GPHN: variants seen among roughly 807,000 people sequenced by gnomAD.
GPHN encodes gephyrin.
In GPHN, 17 loss-of-function variants were observed where a neutral mutation model predicts 95.5. That is an observed-to-expected ratio of 0.18 (90% confidence interval 0.12 to 0.27). GPHN has a LOEUF of 0.27. GPHN is among the 10% of genes least tolerant of loss of function. GPHN has a pLI of 1.00. For missense variants in GPHN, 660 were observed against 978.1 expected, an observed-to-expected ratio of 0.67 and a Z score of 4.34; for synonymous variants, 320 against 322.5, an observed-to-expected ratio of 0.99 and a Z score of 0.08.
the GPHN span, among the ~76,000 whole-genome samples, chr14:67,407,859 G>T: frequency 1.3e-5 from 2 of 152,188 alleles, no homozygotes; most frequent in African/African-American, 4.8e-5. Context: ...TGTAGTCCCA[G>T]CTACTTGGGA....
chr14:66,745,176 T>A (rs919786113), intron 2 of GPHN, among the ~76,000 whole-genome samples: 27 of 152,128 alleles, frequency 1.8e-4, no homozygotes, highest in African/African-American at 6.5e-4. Context: ...CTTTTTATTT[T>A]GAAAACTTTC....
intron 3 of GPHN, among the ~76,000 whole-genome samples, chr14:66,797,396 G>A (rs2060196962): frequency 6.6e-6 from 1 of 151,776 alleles, no homozygotes; most frequent in Non-Finnish European, 1.5e-5. Flanking sequence ...GATAGGGATT[G>A]TATTAAATCT....
At chr14:67,408,323 A>ATAAAG in the GPHN span, among the ~76,000 whole-genome samples, 1 of 144,480 alleles carries the variant, frequency 6.9e-6, no homozygotes. Context: ...ATAAAATAAA[A>ATAAAG]TAAAATAAAA....
the GPHN span, among the ~76,000 whole-genome samples, chr14:67,196,350 G>A: frequency 6.6e-6 from 1 of 151,896 alleles, no homozygotes; most frequent in East Asian, 1.9e-4. Flanking sequence ...CCGAATAGCT[G>A]GGATTACAGG....
At chr14:66,568,858 ATAAT>A (rs545045274) in intron 1 of GPHN, among the ~76,000 whole-genome samples, 2 of 152,248 alleles carry the variant, frequency 1.3e-5, no homozygotes, top group African/African-American at 2.4e-5. Context: ...ACTCAGTGGG[ATAAT>A]TAATTATGAA....
At chr14:66,535,751 T>C (rs1036271115) in intron 1 of GPHN, among the ~76,000 whole-genome samples, 8 of 152,196 alleles carry the variant, frequency 5.3e-5, no homozygotes, top group Non-Finnish European at 1.0e-4. Flanking sequence ...TATTTAAATT[T>C]CATTTTGAAT....
chr14:67,137,789 CT>C, intron 17 of GPHN, among the ~76,000 whole-genome samples: 1 of 152,098 alleles, frequency 6.6e-6, no homozygotes, highest in Non-Finnish European at 1.5e-5. Flanking sequence ...AGAGATTTAT[CT>C]TTAAAGGAAT....
At chr14:67,466,533 G>A in the GPHN span, among the ~76,000 whole-genome samples, 1 of 152,228 alleles carries the variant, frequency 6.6e-6, no homozygotes, top group African/African-American at 2.4e-5. Flanking sequence ...AAAGAGCCTG[G>A]GAACTGGTGT....
At chr14:66,956,988 T>G in intron 8 of GPHN, among the ~76,000 whole-genome samples, 1 of 134,650 alleles carries the variant, frequency 7.4e-6, no homozygotes, top group African/African-American at 2.7e-5. Context: ...GGGGGAGGGA[T>G]AGCACTGGGA....
chr14:67,681,325 G>C, the GPHN span, among the ~76,000 whole-genome samples: 1 of 152,220 alleles, frequency 6.6e-6, no homozygotes, highest in Non-Finnish European at 1.5e-5. Flanking sequence ...TATTGTTTAA[G>C]CCACCCAGTC....
At chr14:66,721,415 A>G (rs1271457557) in intron 2 of GPHN, among the ~76,000 whole-genome samples, 1 of 152,198 alleles carries the variant, frequency 6.6e-6, no homozygotes, top group African/African-American at 2.4e-5. Context: ...ATATTGACAA[A>G]TTTCTATCAA....
At chr14:66,781,473 C>T (rs1468869702) in intron 3 of GPHN, among the ~76,000 whole-genome samples, 1 of 152,164 alleles carries the variant, frequency 6.6e-6, no homozygotes, top group Non-Finnish European at 1.5e-5. Flanking sequence ...CTGCCTCGGC[C>T]TCCCAAAGTG....
the GPHN span, among the ~76,000 whole-genome samples, chr14:67,368,361 A>G: frequency 1.3e-5 from 2 of 152,192 alleles, no homozygotes; most frequent in African/African-American, 2.4e-5. Flanking sequence ...TGCTCTGCAT[A>G]AGAAAGGCAT....
the GPHN span, among the ~76,000 whole-genome samples, chr14:67,682,247 C>A: frequency 6.6e-6 from 1 of 152,060 alleles, no homozygotes; most frequent in African/African-American, 2.4e-5. Context: ...GCACAAGTGA[C>A]AAAAAATAGA....
intron 4 of GPHN, among the ~76,000 whole-genome samples, chr14:66,872,938 G>C (rs965608998): frequency 1.3e-5 from 2 of 150,454 alleles, no homozygotes; most frequent in Non-Finnish European, 3.0e-5. Context: ...CTAGTATATA[G>C]GTAAACCCCT....
chr14:66,734,762 G>A (rs2072106839), intron 2 of GPHN, among the ~76,000 whole-genome samples: 1 of 152,158 alleles, frequency 6.6e-6, no homozygotes, highest in Admixed American at 6.5e-5. Flanking sequence ...ATAATTGACA[G>A]TTGATGATTT....
chr14:67,374,066 T>A, the GPHN span, among the ~76,000 whole-genome samples: 1 of 152,154 alleles, frequency 6.6e-6, no homozygotes, highest in Admixed American at 6.5e-5. Context: ...AAAAATTTAT[T>A]TCTGAAAACA....
intron 2 of GPHN, among the ~76,000 whole-genome samples, chr14:66,776,022 G>A (rs887796452): frequency 1.3e-5 from 2 of 152,110 alleles, no homozygotes; most frequent in African/African-American, 4.8e-5. Context: ...CAAGGTCATG[G>A]GGAAGGAAGG....
At chr14:67,185,189 A>G (rs1392156156), downstream of GPHN, among the ~76,000 whole-genome samples, 1 of 152,238 alleles carries the variant, frequency 6.6e-6, no homozygotes, top group African/African-American at 2.4e-5. Context: ...AAGTAGAGGG[A>G]AGATTTGTTC....
Sources: allele counts gnomAD v4.1 joint callset (sites outside exome capture counted in the v4.1 genomes callset), GRCh38; gene constraint gnomAD v4.1.1; transcripts MANE v1.5; gene names NCBI Gene and HGNC (gene_info 2026-07-23, HGNC 2026-07-21).